CRTAC1: variants seen among roughly 807,000 people sequenced by gnomAD.
CRTAC1 encodes cartilage acidic protein 1, also known as acidic secreted protein in cartilage.
CRTAC1 carries 37 observed loss-of-function variants against 67.8 expected under a neutral mutation model. The ratio of observed to expected loss-of-function variants is 0.55; its 90% confidence interval spans 0.42 to 0.72. CRTAC1 has a LOEUF of 0.72. Among genes scored for constraint, CRTAC1 ranks in the 30% least tolerant of loss-of-function variants. The pLI, the probability that CRTAC1 is intolerant of heterozygous loss-of-function variation, is 0.00. For missense variants in CRTAC1, 780 were observed against 931.6 expected, an observed-to-expected ratio of 0.84 and a Z score of 2.12; for synonymous variants, 348 against 371.0, an observed-to-expected ratio of 0.94 and a Z score of 0.71.
At chr10:97,963,376 C>G (rs2051559082) in intron 2 of CRTAC1, among the ~76,000 whole-genome samples, 1 of 152,132 alleles carries the variant, frequency 6.6e-6, no homozygotes. Context: ...GTCAGAAACT[C>G]TGAGGATGAG....
intron 1 of CRTAC1, among the ~76,000 whole-genome samples, chr10:98,021,339 A>G (rs1325009610): frequency 6.6e-6 from 1 of 152,170 alleles, no homozygotes; most frequent in African/African-American, 2.4e-5. Context: ...CACTGCCTGC[A>G]GCAGCACTCA....
intron 3 of CRTAC1, among the ~76,000 whole-genome samples, chr10:97,934,561 A>G (rs1253426494): frequency 6.6e-6 from 1 of 152,170 alleles, no homozygotes; most frequent in Non-Finnish European, 1.5e-5. Flanking sequence ...TAGGGGCTGG[A>G]TCCTGGTTTG....
At chr10:98,007,070 A>G (rs1315551716) in intron 2 of CRTAC1, among the ~76,000 whole-genome samples, 1 of 152,354 alleles carries the variant, frequency 6.6e-6, no homozygotes, top group East Asian at 1.9e-4. Context: ...AAAGACAGTG[A>G]TCATCTGGTT....
At chr10:97,905,744 C>T (rs1430797509) in intron 6 of CRTAC1, among the ~76,000 whole-genome samples, 1 of 152,132 alleles carries the variant, frequency 6.6e-6, no homozygotes, top group Non-Finnish European at 1.5e-5. Context: ...AAACCGGGGA[C>T]GTGGGTGACA....
chr10:97,882,546 G>A (rs2050229406), intron 13 of CRTAC1, among the ~76,000 whole-genome samples: 1 of 152,152 alleles, frequency 6.6e-6, no homozygotes, highest in Non-Finnish European at 1.5e-5. Context: ...CTCATGGCAG[G>A]AAAACACTGC....
intron 13 of CRTAC1, among the ~76,000 whole-genome samples, chr10:97,882,074 T>A (rs151236325): frequency 5.6e-4 from 86 of 152,272 alleles, no homozygotes; most frequent in Non-Finnish European, 7.4e-5. Flanking sequence ...TACTCCTGTA[T>A]CTCAGTAGCA....
intron 11 of CRTAC1, among the ~76,000 whole-genome samples, chr10:97,893,809 T>C (rs7098920): frequency 0.2 from 29,987 of 152,152 alleles, 3,004 homozygotes; most frequent in African/African-American, 0.24. Flanking sequence ...TTTATAATTT[T>C]GTCATTTTGA....
At chr10:97,995,472 T>A (rs908245504) in intron 2 of CRTAC1, among the ~76,000 whole-genome samples, 3 of 152,188 alleles carry the variant, frequency 2.0e-5, no homozygotes, top group Admixed American at 6.5e-5. Flanking sequence ...GTCTTCTTGG[T>A]GATAGAAAGA....
chr10:97,953,933 G>A (rs1016504298), intron 2 of CRTAC1, among the ~76,000 whole-genome samples: 6 of 152,008 alleles, frequency 3.9e-5, no homozygotes, highest in Admixed American at 3.9e-4. Context: ...AGGTGTGATG[G>A]CCAAAAAGAA....
At chr10:97,922,088 G>C (rs936255543) in intron 4 of CRTAC1, among the ~76,000 whole-genome samples, 4 of 152,066 alleles carry the variant, frequency 2.6e-5, no homozygotes, top group Non-Finnish European at 2.9e-5. Flanking sequence ...GGGTGAGATG[G>C]GAAACCGGGA....
intron 2 of CRTAC1, among the ~76,000 whole-genome samples, chr10:97,983,887 CA>C (rs1186607979): frequency 6.6e-6 from 1 of 152,222 alleles, no homozygotes; most frequent in Non-Finnish European, 1.5e-5. Flanking sequence ...AGCATACACA[CA>C]TTTTTTTATT....
chr10:97,878,614 TTTCCAAAGAGTG>T lies in CRTAC1; in HGVS notation c.1819+1623_1819+1634del, dbSNP rs1564873622. ...GAGCATATTCTGTGGCGTTACATCA[TTTCCAAAGAGTG>T]TTCTGGCTACAGGAGCATTCTATTT... On this transcript the variant is annotated intron_variant, in intron 14 of 14. Coordinates refer to ENST00000370597, the MANE Select transcript of CRTAC1 (RefSeq NM_018058.7). 3 of 1,303,588 alleles carry T rather than the reference TTTCCAAAGAGTG, an allele frequency of 2.3e-6. No homozygotes were observed. In the East Asian group the frequency reaches 1.7e-4, roughly 72 times the overall value. The allele number at this position is 1,303,588 out of a possible 1,614,324, so 80.8% of individuals were successfully genotyped here.
chr10:97,879,857 G>A (rs1219524227), intron 14 of CRTAC1: 1 of 1,150,168 alleles, frequency 8.7e-7, no homozygotes, highest in African/African-American at 1.6e-5. Flanking sequence ...AAGGGGGTGG[G>A]GACGGGGTGG....
intron 2 of CRTAC1, among the ~76,000 whole-genome samples, chr10:97,999,906 T>A (rs1842655438): frequency 6.6e-6 from 1 of 152,026 alleles, no homozygotes; most frequent in South Asian, 2.1e-4. Context: ...TGACGCCCTG[T>A]CTGCAAAGAG....
chr10:97,923,822 G>A (rs184463487), intron 3 of CRTAC1, among the ~76,000 whole-genome samples: 19 of 152,268 alleles, frequency 1.2e-4, no homozygotes, highest in African/African-American at 3.6e-4. Context: ...CTACTGGATC[G>A]CAGGACCTAC....
intron 2 of CRTAC1, among the ~76,000 whole-genome samples, chr10:97,993,300 T>C (rs561073101): frequency 6.6e-6 from 1 of 152,214 alleles, no homozygotes; most frequent in African/African-American, 2.4e-5. Context: ...CAGTTTTTCA[T>C]CATAGAAAAG....
At chr10:97,961,490 T>C (rs1359066443) in intron 2 of CRTAC1, among the ~76,000 whole-genome samples, 1 of 152,160 alleles carries the variant, frequency 6.6e-6, no homozygotes, top group Non-Finnish European at 1.5e-5. Context: ...CCAAAATATA[T>C]GAGCTATATT....
intron 2 of CRTAC1, among the ~76,000 whole-genome samples, chr10:97,991,099 C>CCAAAAAAAAAAAA (rs1554932158): frequency 1.1e-4 from 2 of 17,978 alleles, no homozygotes; most frequent in African/African-American, 3.8e-4. Flanking sequence ...ACCATCTCTA[C>CCAAAAAAAAAAAA]AAAAAAAAAA....
At chr10:97,891,681 C>T (rs959800281) in intron 11 of CRTAC1, among the ~76,000 whole-genome samples, 10 of 152,222 alleles carry the variant, frequency 6.6e-5, no homozygotes, top group East Asian at 1.9e-4. Flanking sequence ...CTTTCTGTCG[C>T]CCCCTGTTCT....
Sources: allele counts gnomAD v4.1 joint callset (sites outside exome capture counted in the v4.1 genomes callset), GRCh38; gene constraint gnomAD v4.1.1; transcripts MANE v1.5; gene names NCBI Gene and HGNC (gene_info 2026-07-23, HGNC 2026-07-21).